The following G6PC2 variants were observed in gnomAD, a reference collection of about 807,000 sequenced individuals.
The protein encoded by G6PC2 is glucose-6-phosphatase catalytic subunit 2.
In G6PC2, 41 loss-of-function variants were observed where a neutral mutation model predicts 35.4. The ratio of observed to expected loss-of-function variants is 1.16; its 90% CI spans 0.90 to 1.50. The LOEUF (loss-of-function observed/expected upper bound fraction) is 1.50, where lower values mean the gene tolerates loss of function less well. G6PC2 is among the 40% of genes most tolerant of loss of function. G6PC2 has a pLI of 0.00. For missense variants in G6PC2, 441 were observed against 426.5 expected (o/e 1.03, Z -0.30); for synonymous variants, 165 against 153.2 (o/e 1.08, Z -0.57).
rs1690789446 is a variant in G6PC2 at position 168,908,904 on chromosome 2, C to A, written c.*825C>A. Reference sequence around the variant, plus strand: ...CAGCTTCTTACTATATTTGCCCAGGCTGGTCTTGAACTCCTGGCCTCAAGG... The same window carrying A: ...CAGCTTCTTACTATATTTGCCCAGGATGGTCTTGAACTCCTGGCCTCAAGG... On this transcript the variant is annotated 3_prime_UTR_variant, in exon 5 of 5. Coordinates refer to ENST00000375363, the MANE Select transcript of G6PC2 (RefSeq NM_021176.3). 1 of 152,222 alleles carries A rather than the reference C, an allele frequency of 6.6e-6. No individual in the cohort carries two copies. Among genetic ancestry groups the A allele is most frequent in the African/African-American group, 2.4e-5 (1 of 41,418 alleles). The allele number at this position is 152,222 out of a possible 1,614,324, so 9.4% of individuals were successfully genotyped here. A position where few individuals can be genotyped will look rare whatever the true frequency, so the allele number is the denominator to read the frequency against.
rs1250545708 is a variant in G6PC2 at position 168,906,700 on chromosome 2, G to A, written c.477G>A (p.Leu159=). 4.4e-6 allele frequency: 7 copies of A among 1,604,812 alleles called. No homozygotes were observed. Among genetic ancestry groups the A allele is most frequent in the Non-Finnish European group, 1.7e-6 (2 of 1,171,684 alleles). The part of the protein sequence containing the change: ...TWSFLWSVFW[L]IQISVCISRV... ...CATTTCTTTGGAGTGTTTTTTGGTTGATTCAAATCAGTGTCTGCATCTCCA... is the reference window on the plus strand; with the variant it reads ...CATTTCTTTGGAGTGTTTTTTGGTTAATTCAAATCAGTGTCTGCATCTCCA... Residue 159 remains leucine, a synonymous_variant, in exon 4 of 5, where the codon TTG becomes TTA. Transcript: ENST00000375363.
rs910487070 is a variant in G6PC2, at chr2:168,908,242, C to A, written c.*163C>A. On this transcript the variant is annotated 3_prime_UTR_variant, in exon 5 of 5. Transcript: ENST00000375363. ...TGTTTAGTTTGGCCTTCGCACTGGT[C>A]TTTTTTTTTAATCCTTCAGTTACCA... 1.3e-5 allele frequency: 8 copies of A among 626,620 alleles called. No homozygotes were observed. In the African/African-American group the frequency reaches 1.3e-4, roughly 10 times the overall value. 38.8% of individuals were successfully genotyped at this position (626,620 alleles called of 1,614,324 possible). A position where few individuals can be genotyped will look rare whatever the true frequency, so the allele number is the denominator to read the frequency against.
rs528505004 is a variant in G6PC2, at chr2:168,908,177, C to T, written c.*98C>T. 6.4e-5 allele frequency: 65 copies of T among 1,011,900 alleles called. No individual in the cohort carries two copies. The East Asian group carries it at 1.4e-3, about 22-fold the overall frequency. 62.7% of individuals were successfully genotyped at this position (1,011,900 alleles called of 1,614,324 possible). A position where few individuals can be genotyped will look rare whatever the true frequency, so the allele number is the denominator to read the frequency against. ...CACAGACCAGAGGCTTCTAATCCGA[C>T]TTCACAGAATAGCGGCACAGGCCCC... On this transcript the variant is annotated 3_prime_UTR_variant, in exon 5 of 5. Transcript: ENST00000375363.
intron 2 of G6PC2, among the ~76,000 whole-genome samples, chr2:168,903,579 C>T (rs1248487597): frequency 1.3e-5 from 2 of 151,668 alleles, no homozygotes; most frequent in Non-Finnish European, 2.9e-5. Context: ...CAGTCCTTTC[C>T]GGCATGTGTT....
At chr2:168,901,753 T>C (rs1044395949) in intron 1 of G6PC2, among the ~76,000 whole-genome samples, 2 of 131,284 alleles carry the variant, frequency 1.5e-5, no homozygotes, top group African/African-American at 5.6e-5. Flanking sequence ...TTTTTTTTTT[T>C]GAGACAGAGT....
At position 168,906,672 on chromosome 2, in the gene G6PC2, G is replaced by A. The variant is rs1413803425; in HGVS notation, c.449G>A (p.Trp150Ter). 2 of 1,546,694 alleles carry A rather than the reference G, an allele frequency of 1.3e-6. No individual in the cohort carries two copies. Among genetic ancestry groups the A allele is most frequent in the Middle Eastern group, 1.7e-4 (1 of 5,938 alleles). ...KFSITLHRLTWSFLWSVFWLI... is the reference protein window; with the variant it reads ...KFSITLHRLT ...CTATTCTTCCATCGTAGACTGACCT[G>A]GTCATTTCTTTGGAGTGTTTTTTGG... The change falls in exon 4 of 5, where the codon TGG becomes TAG. Residue 150 changes from tryptophan to a stop codon, truncating the protein, a stop_gained. Coordinates refer to ENST00000375363, the MANE Select transcript of G6PC2 (RefSeq NM_021176.3). LOFTEE classifies it high-confidence loss of function.
chr2:168,907,719 G>T lies in G6PC2; in HGVS notation c.708G>T (p.Val236=). Residue 236 remains valine (V), a synonymous_variant, in exon 5 of 5, where the codon GTG becomes GTT. Coordinates refer to ENST00000375363, the MANE Select transcript of G6PC2 (RefSeq NM_021176.3). ...TCAACATTGACCTGCTGTGGTCCGT[G>T]CCCATAGCCAAAAAGTGGTGTGCTA... ...RVLNIDLLWS[V]PIAKKWCANP... 1 of 1,614,118 alleles carries T rather than the reference G, an allele frequency of 6.2e-7. No individual in the cohort carries two copies.
In G6PC2 at chr2:168,907,749, C is replaced by T. The variant is rs770384960; in HGVS notation, c.738C>T (p.Pro246=). The T allele has an allele frequency of 6.2e-6, 10 of 1,614,034 alleles. No homozygotes were observed. Among genetic ancestry groups the T allele is most frequent in the African/African-American group, 2.7e-5 (2 of 75,012 alleles). Residue 246 remains proline, a synonymous_variant, in exon 5 of 5, where the codon CCC becomes CCT. Transcript: ENST00000375363. ...VPIAKKWCAN[P]DWIHIDTTPF... ...TAGCCAAAAAGTGGTGTGCTAACCC[C>T]GACTGGATCCACATTGACACCACGC...
chr2:168,903,880 C>A (rs549203348), intron 2 of G6PC2, among the ~76,000 whole-genome samples: 39 of 152,192 alleles, frequency 2.6e-4, no homozygotes, highest in Admixed American at 1.5e-3. Flanking sequence ...TTAATGCCGT[C>A]TTTATAGCTT....
At position 168,908,195 on chromosome 2, in the gene G6PC2, C is replaced by A; in HGVS notation, c.*116C>A. 1 of 861,248 alleles carries A rather than the reference C, an allele frequency of 1.2e-6. No homozygotes were observed. The highest frequency in any genetic ancestry group is 2.0e-6 in the Non-Finnish European group (1 of 509,826). The allele number at this position is 861,248 out of a possible 1,614,324, so 53.4% of individuals were successfully genotyped here. ...AATCCGACTTCACAGAATAGCGGCA[C>A]AGGCCCCATTCCCCATAGAGATGTT... is the stretch of plus-strand genomic sequence containing the variant. On this transcript the variant is annotated 3_prime_UTR_variant, in exon 5 of 5. Coordinates refer to ENST00000375363, the MANE Select transcript of G6PC2 (RefSeq NM_021176.3).
intron 3 of G6PC2, among the ~76,000 whole-genome samples, chr2:168,905,709 A>T (rs1690694152): frequency 6.6e-6 from 1 of 151,704 alleles, no homozygotes; most frequent in African/African-American, 2.4e-5. Flanking sequence ...AATTCTCATA[A>T]CTCCTTTTTA....
intron 1 of G6PC2, 78 bp from the exon 2 acceptor site, chr2:168,902,367 G>C (rs904282354): frequency 1.6e-5 from 12 of 741,400 alleles, no homozygotes; most frequent in Non-Finnish European, 2.2e-5. Flanking sequence ...TTTTTTATAG[G>C]AAAGAATTGC....
At chr2:168,905,798 T>A (rs1690696066) in intron 3 of G6PC2, among the ~76,000 whole-genome samples, 1 of 152,172 alleles carries the variant, frequency 6.6e-6, no homozygotes, top group South Asian at 2.1e-4. Flanking sequence ...TACCAAATTC[T>A]TGTTTATTCT....
At position 168,908,095 on chromosome 2, in the gene G6PC2, T is replaced by C. The variant is rs780589028; in HGVS notation, c.*16T>C. The C allele has an allele frequency of 6.2e-6, 10 of 1,604,366 alleles. No homozygotes were observed. The Admixed American group carries it at 1.7e-4, about 27-fold the overall frequency. ...GAGTCAGTAGAGTGGTGCCTAGAGT[T>C]AGTGCTCTGTGTCACAGATCACCCT... On this transcript the variant is annotated 3_prime_UTR_variant, in exon 5 of 5. Coordinates refer to ENST00000375363, the MANE Select transcript of G6PC2 (RefSeq NM_021176.3).
chr2:168,901,699 A>T, intron 1 of G6PC2, 150 bp downstream of exon 1: 1 of 643,144 alleles, frequency 1.6e-6, no homozygotes. Flanking sequence ...TCATAAGTAG[A>T]ACTTTTAAAA....
At chr2:168,906,552 T>A (rs1467404821) in intron 3 of G6PC2, 112 bp from the exon 4 acceptor site, 1 of 739,614 alleles carries the variant, frequency 1.4e-6, no homozygotes, top group African/African-American at 1.7e-5. Context: ...ATCATGATGC[T>A]ATGTCACAGT....
rs1204827592 is a variant in G6PC2 at position 168,901,401 on chromosome 2, A to T, written c.70A>T (p.Thr24Ser). 6.2e-7 allele frequency: 1 copy of T among 1,603,562 alleles called. No individual in the cohort carries two copies. Among genetic ancestry groups the T allele is most frequent in the South Asian group, 1.1e-5 (1 of 90,880 alleles). Reference protein sequence around the residue: ...HLQKDYRAYYTFLNFMSNVGD... With the variant: ...HLQKDYRAYYSFLNFMSNVGD... ...GCAGAAGGACTACCGAGCTTACTAC[A>T]CTTTTCTAAATTTTATGTCCAATGT... Residue 24 changes from threonine (T) to serine (S), a missense_variant, in exon 1 of 5, where the codon ACT becomes TCT. By Grantham distance (58) the Thr-to-Ser change is moderately conservative. Coordinates refer to ENST00000375363, the MANE Select transcript of G6PC2 (RefSeq NM_021176.3).
rs1336914360 is a variant in G6PC2 at position 168,906,085 on chromosome 2, A to AC, written c.441-579_441-578insC. Among the ~76,000 whole-genome samples, 3 of 147,654 alleles carry AC rather than the reference A, an allele frequency of 2.0e-5. No individual in the cohort carries two copies. The Admixed American group carries it at 2.1e-4, about 10-fold the overall frequency. On this transcript the variant is annotated intron_variant, in intron 3 of 4. Coordinates refer to ENST00000375363, the MANE Select transcript of G6PC2 (RefSeq NM_021176.3). ...CTATTTTCTGTGTCTCAAAAAAAAA[A>AC]AAACAAACAAAACAAAACCCAAAAC...
Position 168,909,527 on chromosome 2 carries a change from T to G in G6PC2, c.*1448T>G, listed in dbSNP as rs899228282. ...AGTCTCTATGTATACTGAACTGTGA[T>G]GAAAATCTATAGCTTTGTTTTAGAA... On this transcript the variant is annotated 3_prime_UTR_variant, in exon 5 of 5. Transcript: ENST00000375363. 2.6e-5 allele frequency: 4 copies of G among 152,222 alleles called. No individual in the cohort carries two copies. Among genetic ancestry groups the G allele is most frequent in the Non-Finnish European group, 5.9e-5 (4 of 68,034 alleles). The allele number at this position is 152,222 out of a possible 1,614,324, so 9.4% of individuals were successfully genotyped here.
Sources: allele counts gnomAD v4.1 joint callset (sites outside exome capture counted in the v4.1 genomes callset), GRCh38; gene constraint gnomAD v4.1.1; transcripts MANE v1.5; gene names NCBI Gene and HGNC (gene_info 2026-07-23, HGNC 2026-07-21).